Variants in STXBP4 observed in about 807,000 individuals in gnomAD.
The protein encoded by STXBP4 is syntaxin binding protein 4, also known as syntaxin-binding protein 4.
In STXBP4, 55 loss-of-function variants were observed where a neutral mutation model predicts 76.1. The ratio of observed to expected loss-of-function variants is 0.72; its 90% CI spans 0.58 to 0.91. The LOEUF (loss-of-function observed/expected upper bound fraction) is 0.91, where lower values mean the gene tolerates loss of function less well. Ranked by LOEUF, STXBP4 falls within the 40% of genes least tolerant of loss-of-function variation. The probability of loss-of-function intolerance (pLI) is 0.00; values close to 1 mark genes in which losing one functional copy is unlikely to be tolerated. For synonymous variants in STXBP4, 201 were observed against 220.2 expected, an observed-to-expected ratio of 0.91 and a Z score of 0.77; for missense variants, 618 against 636.9, an observed-to-expected ratio of 0.97 and a Z score of 0.32.
At chr17:55,080,766 A>C (rs1257682821) in intron 15 of STXBP4, among the ~76,000 whole-genome samples, 1 of 152,150 alleles carries the variant, frequency 6.6e-6, no homozygotes, top group Non-Finnish European at 1.5e-5. Flanking sequence ...GCACTCACAA[A>C]ATAAGCCCAA....
At chr17:55,071,323 C>T (rs557628018) in intron 12 of STXBP4, among the ~76,000 whole-genome samples, 1 of 152,260 alleles carries the variant, frequency 6.6e-6, no homozygotes, top group East Asian at 1.9e-4. Context: ...TATATTCACT[C>T]TTGTTACCAT....
rs1397536411 is a variant in STXBP4 at position 55,000,893 on chromosome 17, C to T, written c.574+10C>T. 2.6e-6 allele frequency: 4 copies of T among 1,514,448 alleles called. No homozygotes were observed. Among genetic ancestry groups the T allele is most frequent in the Non-Finnish European group, 2.7e-6 (3 of 1,095,002 alleles). The allele number at this position is 1,514,448 out of a possible 1,614,324, so 93.8% of individuals were successfully genotyped here. A position where few individuals can be genotyped will look rare whatever the true frequency, so the allele number is the denominator to read the frequency against. ...GGTTTGTCTAATACAGGTAAATACA[C>T]ATTTAATTTCTATTTCCTGTTTTTT... On this transcript the variant is annotated intron_variant, in intron 7 of 17. Transcript: ENST00000376352.
At chr17:54,969,603 AG>A (rs951271979) in intron 1 of STXBP4, among the ~76,000 whole-genome samples, 1 of 152,204 alleles carries the variant, frequency 6.6e-6, no homozygotes, top group Non-Finnish European at 1.5e-5. Flanking sequence ...ATGATGACTG[AG>A]GCATAGTAAG....
chr17:55,193,167 A>G, the STXBP4 span, among the ~76,000 whole-genome samples: 2 of 152,172 alleles, frequency 1.3e-5, no homozygotes, highest in Admixed American at 6.6e-5. Flanking sequence ...AGTCTGAGGG[A>G]CTAGGATGAA....
intron 1 of STXBP4, among the ~76,000 whole-genome samples, chr17:54,981,643 T>C (rs1001982008): frequency 6.6e-6 from 1 of 152,146 alleles, no homozygotes; most frequent in Non-Finnish European, 1.5e-5. Flanking sequence ...TTTATAACTT[T>C]GGAGTGGGCA....
intron 8 of STXBP4, among the ~76,000 whole-genome samples, chr17:55,025,016 C>T (rs766492809): frequency 6.6e-6 from 1 of 151,978 alleles, no homozygotes; most frequent in Non-Finnish European, 1.5e-5. Flanking sequence ...TGGCGGGTGC[C>T]TGTAGTCCCA....
intron 4 of STXBP4, among the ~76,000 whole-genome samples, chr17:54,992,338 GC>G (rs1298375514): frequency 6.6e-6 from 1 of 150,974 alleles, no homozygotes; most frequent in Non-Finnish European, 1.5e-5. Context: ...TATTGCTTGA[GC>G]CCCGAAGATC....
intron 12 of STXBP4, among the ~76,000 whole-genome samples, chr17:55,064,760 T>C (rs1197911176): frequency 1.3e-5 from 2 of 152,168 alleles, no homozygotes; most frequent in African/African-American, 4.8e-5. Flanking sequence ...CACCTCCGCC[T>C]CCCAAAGTGC....
chr17:55,020,131 C>T (rs562968660), intron 8 of STXBP4, among the ~76,000 whole-genome samples: 161 of 152,228 alleles, frequency 1.1e-3, no homozygotes, highest in Non-Finnish European at 2.0e-3. Flanking sequence ...TTATCTGTTA[C>T]CCGTTCAATT....
At chr17:54,981,293 T>A in intron 1 of STXBP4, among the ~76,000 whole-genome samples, 1 of 151,452 alleles carries the variant, frequency 6.6e-6, no homozygotes, top group African/African-American at 2.4e-5. Flanking sequence ...GGAAACTTGG[T>A]TAACAAAAGA....
intron 13 of STXBP4, among the ~76,000 whole-genome samples, chr17:55,076,807 C>G (rs1249748718): frequency 6.6e-6 from 1 of 152,082 alleles, no homozygotes; most frequent in Non-Finnish European, 1.5e-5. Context: ...TGGCTGTTTT[C>G]TCTTTACCTT....
chr17:55,075,171 T>C lies in STXBP4; in HGVS notation c.1188+2095T>C, dbSNP rs186308984. Among the ~76,000 whole-genome samples the C allele has an allele frequency of 1.4e-3, 217 of 152,198 alleles. 1 individual carries two copies. The highest frequency in any genetic ancestry group is 5.0e-3 in the African/African-American group (208 of 41,546). ...CACCCTTTCCCTCAGAGATAATCAC[T>C]TTCTTGGATTTATTCTTAACCATTT... is the stretch of plus-strand genomic sequence containing the variant. On this transcript the variant is annotated intron_variant, in intron 13 of 17. Transcript: ENST00000376352.
intron 16 of STXBP4, among the ~76,000 whole-genome samples, chr17:55,095,917 A>C (rs562209665): frequency 1.2e-3 from 177 of 152,310 alleles, no homozygotes; most frequent in African/African-American, 3.8e-3. Flanking sequence ...TTAAGACATG[A>C]TGTCACAATT....
the STXBP4 span, among the ~76,000 whole-genome samples, chr17:55,179,834 G>T: frequency 1.3e-5 from 2 of 152,090 alleles, 1 homozygote; most frequent in South Asian, 4.2e-4. Flanking sequence ...TATGTTATCA[G>T]TGTGTTATTA....
At chr17:55,148,356 T>G (rs1410215420) in intron 17 of STXBP4, among the ~76,000 whole-genome samples, 1 of 152,194 alleles carries the variant, frequency 6.6e-6, no homozygotes, top group Non-Finnish European at 1.5e-5. Flanking sequence ...AATTTTAAAT[T>G]ATCGTTTCTT....
chr17:55,193,971 A>G, the STXBP4 span, among the ~76,000 whole-genome samples: 1 of 152,150 alleles, frequency 6.6e-6, no homozygotes, highest in Non-Finnish European at 1.5e-5. Context: ...ATGAGCAACC[A>G]ACAGAGGAAG....
intron 1 of STXBP4, among the ~76,000 whole-genome samples, chr17:54,974,447 G>A (rs958868905): frequency 3.3e-5 from 5 of 152,146 alleles, no homozygotes; most frequent in Admixed American, 1.3e-4. Context: ...GAACTACTCC[G>A]TTTAAAAGCT....
At chr17:55,156,030 G>T (rs983432497) in intron 17 of STXBP4, among the ~76,000 whole-genome samples, 1 of 152,112 alleles carries the variant, frequency 6.6e-6, no homozygotes, top group East Asian at 1.9e-4. Flanking sequence ...ATGCTTTTGA[G>T]ATTTTCAAAT....
At chr17:54,980,176 A>G (rs1284136017) in intron 1 of STXBP4, among the ~76,000 whole-genome samples, 2 of 152,132 alleles carry the variant, frequency 1.3e-5, no homozygotes, top group African/African-American at 2.4e-5. Context: ...ATGAAGACAT[A>G]TAATCATATA....
Sources: allele counts gnomAD v4.1 joint callset (sites outside exome capture counted in the v4.1 genomes callset), GRCh38; gene constraint gnomAD v4.1.1; transcripts MANE v1.5; gene names NCBI Gene and HGNC (gene_info 2026-07-23, HGNC 2026-07-21).